The following PTPRD variants were observed in gnomAD, a reference collection of about 807,000 sequenced individuals.
PTPRD encodes the protein protein tyrosine phosphatase receptor type D, also known as receptor-type tyrosine-protein phosphatase delta.
Under a neutral mutation model 214.5 loss-of-function variants are expected in PTPRD, and 34 were observed. The observed-to-expected ratio is 0.16, with a 90% CI of 0.12 to 0.21. The LOEUF (loss-of-function observed/expected upper bound fraction) is 0.21, where lower values mean the gene tolerates loss of function less well. Among genes scored for constraint, PTPRD ranks in the 10% least tolerant of loss-of-function variants. PTPRD has a pLI of 1.00. For missense variants in PTPRD, 2,545 were observed against 2,398.7 expected (o/e 1.06, Z -1.27); for synonymous variants, 1,128 against 845.7 (o/e 1.33, Z -5.79).
intron 5 of PTPRD, among the ~76,000 whole-genome samples, chr9:9,893,795 T>C (rs951467222): frequency 6.6e-6 from 1 of 151,996 alleles, no homozygotes; most frequent in African/African-American, 2.4e-5. Context: ...GCTACCACCT[T>C]GTCTTCTTTT....
chr9:9,139,239 T>C (rs763151538), intron 10 of PTPRD, among the ~76,000 whole-genome samples: 12 of 152,152 alleles, frequency 7.9e-5, no homozygotes, highest in Non-Finnish European at 1.5e-4. Flanking sequence ...CACAGGTTCT[T>C]GGAAATGTGA....
intron 5 of PTPRD, among the ~76,000 whole-genome samples, chr9:9,861,314 A>C (rs1213647630): frequency 6.6e-6 from 1 of 152,110 alleles, no homozygotes. Context: ...TTTTTGAGAC[A>C]GAGTCTTGCT....
intron 10 of PTPRD, among the ~76,000 whole-genome samples, chr9:9,112,588 T>C (rs1341642668): frequency 6.6e-6 from 1 of 152,170 alleles, no homozygotes; most frequent in African/African-American, 2.4e-5. Context: ...CTCTGGTGGC[T>C]TTACTCTCTT....
At chr9:9,414,331 T>C (rs920898187) in intron 8 of PTPRD, among the ~76,000 whole-genome samples, 1 of 152,220 alleles carries the variant, frequency 6.6e-6, no homozygotes, top group Non-Finnish European at 1.5e-5. Flanking sequence ...AAAAGTTGAT[T>C]CAATGCTTTT....
At chr9:9,817,901 A>C (rs1258592933) in intron 5 of PTPRD, among the ~76,000 whole-genome samples, 1 of 152,208 alleles carries the variant, frequency 6.6e-6, no homozygotes, top group Non-Finnish European at 1.5e-5. Flanking sequence ...AGCAAGATCA[A>C]TGTACAGGAT....
chr9:10,573,003 T>C (rs531395732), intron 2 of PTPRD, among the ~76,000 whole-genome samples: 90 of 152,284 alleles, frequency 5.9e-4, no homozygotes, highest in South Asian at 2.3e-3. Flanking sequence ...AGAACCACTA[T>C]TGGATTTCCA....
At chr9:9,658,511 T>A (rs965357731) in intron 7 of PTPRD, among the ~76,000 whole-genome samples, 2 of 152,170 alleles carry the variant, frequency 1.3e-5, no homozygotes, top group African/African-American at 2.4e-5. Flanking sequence ...AGGAGTTTGA[T>A]AACTGTTTGT....
chr9:8,919,464 CTAGTT>C (rs1049247266), intron 11 of PTPRD, among the ~76,000 whole-genome samples: 4 of 150,254 alleles, frequency 2.7e-5, no homozygotes, highest in African/African-American at 9.7e-5. Context: ...ATTTTTTTCT[CTAGTT>C]TATTTTTCTT....
chr9:9,634,560 A>C (rs768510088), intron 7 of PTPRD, among the ~76,000 whole-genome samples: 11 of 152,156 alleles, frequency 7.2e-5, no homozygotes, highest in Non-Finnish European at 1.2e-4. Context: ...GAAGGAAATA[A>C]ATGCTTGATC....
intron 8 of PTPRD, among the ~76,000 whole-genome samples, chr9:9,438,622 C>T (rs12336269): frequency 0.06 from 9,062 of 152,060 alleles, 362 homozygotes; most frequent in Non-Finnish European, 0.092. Flanking sequence ...ACTATGATGC[C>T]GAGCTTTATC....
At chr9:9,199,505 A>G (rs2099940616) in intron 9 of PTPRD, among the ~76,000 whole-genome samples, 3 of 152,344 alleles carry the variant, frequency 2.0e-5, no homozygotes, top group Admixed American at 6.5e-5. Context: ...AGCGCTAATG[A>G]GAGGAATGAA....
chr9:9,376,565 C>T (rs976740421), intron 9 of PTPRD, among the ~76,000 whole-genome samples: 5 of 152,032 alleles, frequency 3.3e-5, no homozygotes, highest in African/African-American at 1.2e-4. Flanking sequence ...TGATATCCTA[C>T]AGAAATTGAC....
intron 12 of PTPRD, among the ~76,000 whole-genome samples, chr9:8,714,296 C>A (rs1349497948): frequency 7.5e-6 from 1 of 132,660 alleles, no homozygotes; most frequent in Non-Finnish European, 1.7e-5. Context: ...TCCCCTTTAA[C>A]AGCTTATTGG....
chr9:9,613,122 GTA>G lies in PTPRD; in HGVS notation c.-286-38343_-286-38342del, dbSNP rs1331223781. Among the ~76,000 whole-genome samples, 5 of 68,126 alleles carry G rather than the reference GTA, an allele frequency of 7.3e-5. 1 individual carries two copies. Among genetic ancestry groups the G allele is most frequent in the African/African-American group, 4.3e-4 (5 of 11,704 alleles). The allele number at this position is 68,126 out of a possible 152,430, so 44.7% of individuals were successfully genotyped here. On this transcript the variant is annotated intron_variant, in intron 7 of 45. Transcript: ENST00000381196. ...CCATACATATAATAGCTAGGCTGCA[GTA>G]TACATACATACATATATATATATAT...
intron 3 of PTPRD, among the ~76,000 whole-genome samples, chr9:10,072,678 A>G (rs1427542043): frequency 1.3e-5 from 2 of 152,060 alleles, no homozygotes; most frequent in African/African-American, 4.8e-5. Context: ...GTTGCATTTT[A>G]CAGAGCACTG....
chr9:9,330,650 A>C (rs1372326155), intron 9 of PTPRD, among the ~76,000 whole-genome samples: 1 of 152,050 alleles, frequency 6.6e-6, no homozygotes, highest in Non-Finnish European at 1.5e-5. Context: ...ATTTTTATTA[A>C]ATTTTGACAA....
At chr9:9,068,869 C>A (rs77663611) in intron 10 of PTPRD, among the ~76,000 whole-genome samples, 1 of 152,046 alleles carries the variant, frequency 6.6e-6, no homozygotes, top group Non-Finnish European at 1.5e-5. Flanking sequence ...CTTGACCCCC[C>A]AAAGTATTTG....
intron 10 of PTPRD, among the ~76,000 whole-genome samples, chr9:9,039,140 C>A (rs1045350896): frequency 1.1e-4 from 16 of 152,092 alleles, no homozygotes; most frequent in Non-Finnish European, 2.1e-4. Flanking sequence ...GATAGCTATA[C>A]AAAGCTATAC....
intron 10 of PTPRD, among the ~76,000 whole-genome samples, chr9:9,027,949 G>GA: frequency 6.6e-6 from 1 of 151,810 alleles, no homozygotes; most frequent in Non-Finnish European, 1.5e-5. Context: ...GCCACATTTA[G>GA]TTTTTTTAGC....
Sources: allele counts gnomAD v4.1 joint callset (sites outside exome capture counted in the v4.1 genomes callset), GRCh38; gene constraint gnomAD v4.1.1; transcripts MANE v1.5; gene names NCBI Gene and HGNC (gene_info 2026-07-23, HGNC 2026-07-21).